SLC9C1: variants seen among roughly 807,000 people sequenced by gnomAD.
The protein encoded by SLC9C1 is solute carrier family 9 member C1.
A neutral mutation model predicts 140.9 loss-of-function variants in SLC9C1; 97 were observed. That is an observed-to-expected ratio of 0.69 (90% confidence interval 0.58 to 0.82). The LOEUF is 0.82. Ranked by LOEUF, SLC9C1 falls within the 40% of genes least tolerant of loss-of-function variation. SLC9C1 has a pLI of 0.00. For missense variants in SLC9C1, 1,340 were observed against 1,389.3 expected, an observed-to-expected ratio of 0.96 and a Z score of 0.56; for synonymous variants, 440 against 442.6, an observed-to-expected ratio of 0.99 and a Z score of 0.07.
chr3:112,182,836 T>C (rs1429052469), intron 20 of SLC9C1, among the ~76,000 whole-genome samples: 2 of 152,226 alleles, frequency 1.3e-5, no homozygotes, highest in African/African-American at 4.8e-5. Flanking sequence ...TTCTCTGGCT[T>C]TCAGCTTTAT....
intron 15 of SLC9C1, among the ~76,000 whole-genome samples, chr3:112,216,616 T>C (rs2078378595): frequency 6.6e-6 from 1 of 152,116 alleles, no homozygotes; most frequent in South Asian, 2.1e-4. Flanking sequence ...ATGCTCATCA[T>C]CACTCGCCAT....
chr3:112,210,169 G>A (rs1378177707), intron 15 of SLC9C1, among the ~76,000 whole-genome samples: 2 of 152,138 alleles, frequency 1.3e-5, no homozygotes, highest in South Asian at 2.1e-4. Context: ...CCTGGGATAT[G>A]CCCTTGAGTA....
At chr3:112,232,720 G>T (rs1038671737) in intron 12 of SLC9C1, among the ~76,000 whole-genome samples, 1 of 152,200 alleles carries the variant, frequency 6.6e-6, no homozygotes, top group South Asian at 2.1e-4. Flanking sequence ...AAGTGCAGCA[G>T]CTGTGAAGAC....
intron 1 of SLC9C1, among the ~76,000 whole-genome samples, chr3:112,289,855 T>C (rs1204110508): frequency 6.6e-6 from 1 of 152,232 alleles, no homozygotes; most frequent in African/African-American, 2.4e-5. Context: ...CTCAGCTATG[T>C]CTCTTAACAG....
At chr3:112,278,682 A>G in intron 4 of SLC9C1, 47 bp downstream of exon 4, 1 of 1,551,126 alleles carries the variant, frequency 6.4e-7, no homozygotes, top group Non-Finnish European at 8.6e-7. Context: ...GAACATAGAT[A>G]ATATGTGGTT....
At chr3:112,243,425 A>G (rs1368645602) in intron 11 of SLC9C1, among the ~76,000 whole-genome samples, 1 of 152,170 alleles carries the variant, frequency 6.6e-6, no homozygotes, top group Admixed American at 6.6e-5. Context: ...AGAAAATCCA[A>G]TATCTTTTGT....
In SLC9C1 at chr3:112,239,826, T is replaced by C; in HGVS notation, c.1446+14A>G. 1.3e-6 allele frequency: 2 copies of C among 1,596,534 alleles called. No individual in the cohort carries two copies. The highest frequency in any genetic ancestry group is 8.5e-7 in the Non-Finnish European group (1 of 1,172,016). On this transcript the variant is annotated intron_variant, in intron 12 of 28. Coordinates refer to ENST00000305815, the MANE Select transcript of SLC9C1 (RefSeq NM_183061.3). ...ATCTGCATTAAAGCAATAAAAAAGA[T>C]ATTACTTGCTTACCATGTATGGGTT...
intron 10 of SLC9C1, among the ~76,000 whole-genome samples, chr3:112,254,550 T>C (rs2079550750): frequency 6.6e-6 from 1 of 151,458 alleles, no homozygotes; most frequent in Non-Finnish European, 1.5e-5. Context: ...ACTGAAGGAG[T>C]TGGTTACCAA....
intron 25 of SLC9C1, among the ~76,000 whole-genome samples, chr3:112,167,921 C>T (rs919659659): frequency 3.3e-5 from 5 of 152,096 alleles, no homozygotes; most frequent in African/African-American, 1.2e-4. Flanking sequence ...TAGAGAGCAG[C>T]GTAGCGGAGA....
intron 13 of SLC9C1, among the ~76,000 whole-genome samples, chr3:112,225,522 AAAG>A (rs2078659620): frequency 7.5e-6 from 1 of 132,818 alleles, no homozygotes; most frequent in Non-Finnish European, 1.6e-5. Context: ...TAAACAAACA[AAAG>A]GAAATACACA....
intron 23 of SLC9C1, among the ~76,000 whole-genome samples, chr3:112,174,100 G>T (rs7649128): frequency 0.014 from 2,198 of 152,254 alleles, 56 homozygotes; most frequent in African/African-American, 0.05. Context: ...AAAATTGTCG[G>T]TTCATATGGT....
chr3:112,247,473 T>C (rs2079319594), intron 10 of SLC9C1, among the ~76,000 whole-genome samples: 1 of 152,210 alleles, frequency 6.6e-6, no homozygotes, highest in Non-Finnish European at 1.5e-5. Context: ...TCATTTTTCT[T>C]GTCACTTATG....
At position 112,275,029 on chromosome 3, in the gene SLC9C1, C is replaced by A. The variant is rs768007431; in HGVS notation, c.485-4G>T. On this transcript the variant is annotated splice_region_variant and splice_polypyrimidine_tract_variant and intron_variant, in intron 5 of 28. Coordinates refer to ENST00000305815, the MANE Select transcript of SLC9C1 (RefSeq NM_183061.3). ...CTGATGAGGCTTCTAGAAAGCCCTA[C>A]ATATGTTGAGGGGGAAAGATGTTTT... The A allele has an allele frequency of 1.0e-5, 16 of 1,554,464 alleles. No homozygotes were observed. The highest frequency in any genetic ancestry group is 1.2e-5 in the Non-Finnish European group (14 of 1,161,366).
At chr3:112,241,402 GA>G (rs1196294855) in intron 11 of SLC9C1, among the ~76,000 whole-genome samples, 1 of 152,106 alleles carries the variant, frequency 6.6e-6, no homozygotes, top group Non-Finnish European at 1.5e-5. Flanking sequence ...GGAGGTGAAA[GA>G]TCTCTACAAG....
At chr3:112,240,090 T>C in intron 11 of SLC9C1, 84 bp from the exon 12 acceptor site, 2 of 1,236,296 alleles carry the variant, frequency 1.6e-6, no homozygotes, top group Non-Finnish European at 2.2e-6. Flanking sequence ...GTTTTTAACT[T>C]ATTGTCACTA....
chr3:112,183,057 G>A (rs569805524), intron 20 of SLC9C1, among the ~76,000 whole-genome samples: 18 of 152,188 alleles, frequency 1.2e-4, no homozygotes, highest in Admixed American at 2.0e-4. Context: ...GAGTAATGCC[G>A]CTACGAATAT....
At chr3:112,280,472 T>C (rs1407853178) in intron 3 of SLC9C1, among the ~76,000 whole-genome samples, 1 of 152,176 alleles carries the variant, frequency 6.6e-6, no homozygotes. Context: ...TAGCTGTATG[T>C]ACTCAGCTTT....
intron 8 of SLC9C1, among the ~76,000 whole-genome samples, chr3:112,265,713 T>C (rs2079899906): frequency 6.6e-6 from 1 of 152,114 alleles, no homozygotes; most frequent in South Asian, 2.1e-4. Flanking sequence ...TTTCCACCCA[T>C]AGTCTTGCTT....
intron 3 of SLC9C1, among the ~76,000 whole-genome samples, chr3:112,279,662 T>C (rs1173874747): frequency 6.6e-6 from 1 of 152,174 alleles, no homozygotes; most frequent in East Asian, 1.9e-4. Flanking sequence ...TACTACCCAT[T>C]ATAGAAGATT....
Sources: gnomAD v4.1 joint callset for allele counts (sites outside exome capture counted in the v4.1 genomes callset) on GRCh38, gnomAD v4.1.1 for gene constraint, MANE v1.5 for transcripts, NCBI Gene and HGNC (gene_info 2026-07-23, HGNC 2026-07-21) for gene names.